SLCO2B1: variants seen among roughly 807,000 people sequenced by gnomAD.
SLCO2B1 encodes the protein solute carrier organic anion transporter family member 2B1.
In SLCO2B1, 41 loss-of-function variants were observed where a neutral mutation model predicts 67.3. That is an observed-to-expected ratio of 0.61 (90% CI 0.47 to 0.79). SLCO2B1 has a LOEUF of 0.79. SLCO2B1 is among the 30% of genes least tolerant of loss of function. The pLI is 0.00. For synonymous variants in SLCO2B1, 379 were observed against 381.4 expected (o/e 0.99, Z 0.07); for missense variants, 837 against 920.1 (o/e 0.91, Z 1.17).
intron 7 of SLCO2B1, among the ~76,000 whole-genome samples, chr11:75,175,864 C>T (rs1950016737): frequency 6.6e-6 from 1 of 152,210 alleles, no homozygotes; most frequent in Non-Finnish European, 1.5e-5. Context: ...ATGGGATTCT[C>T]TGCCTGGGGG....
At chr11:75,178,276 A>C (rs189071736) in intron 7 of SLCO2B1, among the ~76,000 whole-genome samples, 1 of 152,148 alleles carries the variant, frequency 6.6e-6, no homozygotes, top group Non-Finnish European at 1.5e-5. Flanking sequence ...GGGTATAACC[A>C]TAACATCTGC....
At chr11:75,198,185 C>G (rs1231815553) in intron 10 of SLCO2B1, among the ~76,000 whole-genome samples, 2 of 152,218 alleles carry the variant, frequency 1.3e-5, no homozygotes, top group Non-Finnish European at 2.9e-5. Flanking sequence ...CTTCCAGAGA[C>G]CCCCAGGCCT....
At position 75,188,205 on chromosome 11, in the gene SLCO2B1, G is replaced by A; in HGVS notation, c.1042G>A (p.Ala348Thr). ...TKKQDGLVQI[A>T]PNLTVIQFIK... ...GAAGCAGGATGGCCTAGTCCAGATT[G>A]CACCAAACCTGACTGTGATCCAGTT... The change falls in exon 8 of 14, where the codon GCA (alanine) becomes ACA (threonine). Residue 348 changes from alanine (A) to threonine (T), a missense_variant. Coordinates refer to ENST00000289575, the MANE Select transcript of SLCO2B1 (RefSeq NM_007256.5). The A allele has an allele frequency of 1.2e-6, 2 of 1,614,010 alleles. No individual in the cohort carries two copies. The highest frequency in any genetic ancestry group is 1.7e-6 in the Non-Finnish European group (2 of 1,179,896).
chr11:75,162,872 C>A, intron 2 of SLCO2B1, 87 bp downstream of exon 2: 1 of 1,452,592 alleles, frequency 6.9e-7, no homozygotes, highest in Non-Finnish European at 9.3e-7. Context: ...GGAAGACTTT[C>A]TCTGAGCCTC....
intron 1 of SLCO2B1, chr11:75,159,997 C>T (rs961126341): frequency 2.9e-6 from 1 of 345,414 alleles, no homozygotes. Flanking sequence ...CACCAGTATA[C>T]CCAGGAAGCT....
Position 75,165,777 on chromosome 11 carries a change from C to A in SLCO2B1, c.286-10C>A, listed in dbSNP as rs577170105. On this transcript the variant is annotated splice_polypyrimidine_tract_variant and intron_variant, in intron 3 of 13. Transcript: ENST00000289575. ...GTTCCACCTTAATGGGTCACCTCGT[C>A]CTTTTGCAGGTGGGGAACACAGCCT... is the stretch of plus-strand genomic sequence containing the variant. The A allele has an allele frequency of 1.2e-6, 2 of 1,613,898 alleles. No homozygotes were observed. The highest frequency in any genetic ancestry group is 3.3e-5 in the Admixed American group (2 of 60,016).
intron 4 of SLCO2B1, 33 bp downstream of exon 4, chr11:75,165,982 C>G (rs7111320): frequency 6.2e-7 from 1 of 1,600,884 alleles, no homozygotes; most frequent in Non-Finnish European, 8.5e-7. Context: ...AGGAGTGGGA[C>G]GTTAGCCTCT....
At chr11:75,200,033 C>G (rs1945157659) in intron 10 of SLCO2B1, 191 bp from the exon 11 acceptor site, 3 of 549,568 alleles carry the variant, frequency 5.5e-6, no homozygotes, top group Non-Finnish European at 9.6e-6. Flanking sequence ...TGCACATAGA[C>G]AGCCCTTGAG....
chr11:75,162,394 G>C (rs1360379176), intron 1 of SLCO2B1, among the ~76,000 whole-genome samples: 2 of 152,210 alleles, frequency 1.3e-5, no homozygotes, highest in Non-Finnish European at 2.9e-5. Flanking sequence ...TCTGGGAGCA[G>C]AGTGAAGTGT....
chr11:75,179,480 C>T (rs868622181), intron 7 of SLCO2B1, among the ~76,000 whole-genome samples: 2 of 152,022 alleles, frequency 1.3e-5, no homozygotes, highest in East Asian at 3.9e-4. Context: ...GATCCACCCC[C>T]CTCAGCCTCC....
At chr11:75,198,682 G>A (rs1057256306) in intron 10 of SLCO2B1, among the ~76,000 whole-genome samples, 5 of 152,190 alleles carry the variant, frequency 3.3e-5, no homozygotes, top group African/African-American at 1.2e-4. Flanking sequence ...CAGCACTCAG[G>A]GACTGTTGTC....
rs1177876692 is a variant in SLCO2B1 at position 75,202,948 on chromosome 11, T to G, written c.1811T>G (p.Met604Arg). 1 of 1,613,950 alleles carries G rather than the reference T, an allele frequency of 6.2e-7. No homozygotes were observed. Among genetic ancestry groups the G allele is most frequent in the Non-Finnish European group, 8.5e-7 (1 of 1,179,942 alleles). The change falls in exon 12 of 14, where the codon ATG (methionine) becomes AGG (arginine). Residue 604 changes from methionine to arginine, a missense_variant. Transcript: ENST00000289575. Reference sequence around the variant, plus strand: ...ACTTTGGCTGTGGGCATCCAGTTCATGTTCCTGAGGATTTTGGGTAAAGAT... The same window carrying G: ...ACTTTGGCTGTGGGCATCCAGTTCAGGTTCCTGAGGATTTTGGGTAAAGAT... ...DKTLAVGIQF[M>R]FLRILAWMPS...
chr11:75,176,937 G>A (rs536865323), intron 7 of SLCO2B1, among the ~76,000 whole-genome samples: 9 of 152,302 alleles, frequency 5.9e-5, no homozygotes, highest in Non-Finnish European at 1.3e-4. Flanking sequence ...ACAGCACCAC[G>A]GGCCCTTGCA....
chr11:75,159,161 C>G (rs74671071), intron 1 of SLCO2B1, among the ~76,000 whole-genome samples: 2 of 152,192 alleles, frequency 1.3e-5, no homozygotes, highest in Admixed American at 1.3e-4. Context: ...AGTAGCCCGC[C>G]GGCTGGCTGG....
rs78648789 is a variant in SLCO2B1 at position 75,165,929 on chromosome 11, G to T, written c.428G>T (p.Arg143Leu). ...TLPHFISEPY[R>L]YDNTSPEDMP... ...CCGCACTTCATCTCGGAGCCATACC[G>T]CTACGACAACACCAGCCCTGGTAAG... The change falls in exon 4 of 14, where the codon CGC becomes CTC. Residue 143 changes from arginine (R) to leucine (L), a missense_variant. By Grantham distance (102) the Arg-to-Leu change is moderately radical. Coordinates refer to ENST00000289575, the MANE Select transcript of SLCO2B1 (RefSeq NM_007256.5). The T allele has an allele frequency of 7.9e-5, 128 of 1,613,890 alleles. No individual in the cohort carries two copies. Among genetic ancestry groups the T allele is most frequent in the Middle Eastern group, 1.6e-4 (1 of 6,070 alleles).
At chr11:75,169,626 G>T in intron 5 of SLCO2B1, 40 bp from the exon 6 acceptor site, 2 of 1,549,656 alleles carry the variant, frequency 1.3e-6, no homozygotes, top group Non-Finnish European at 1.8e-6. Context: ...GCAGAGGGAA[G>T]CCAGGGCCAG....
At position 75,172,558 on chromosome 11, in the gene SLCO2B1, C is replaced by T. The variant is rs1949975184; in HGVS notation, c.961C>T (p.Pro321Ser). ...RRKVLAVTDS[P>S]ARKGKDSPSK... ...AAAGGTCTTAGCAGTCACAGACTCA[C>T]CTGCCAGGAAGGTAAGCTCCCTCCA... The change falls in exon 7 of 14, where the codon CCT becomes TCT. Residue 321 changes from proline to serine, a missense_variant. Physicochemically the swap from Pro to Ser is moderately conservative, Grantham distance 74. Transcript: ENST00000289575. 1.2e-6 allele frequency: 2 copies of T among 1,613,666 alleles called. No homozygotes were observed. The highest frequency in any genetic ancestry group is 1.7e-6 in the Non-Finnish European group (2 of 1,179,686).
chr11:75,193,578 G>A lies in SLCO2B1; in HGVS notation c.1433+3G>A. ...GCGGGCATCACACACCAGACCAGGT[G>A]AGTGTGTGCGTGGGCACGTAAAGGC... is the stretch of plus-strand genomic sequence containing the variant. On this transcript the variant is annotated splice_donor_region_variant and intron_variant, in intron 9 of 13. Transcript: ENST00000289575. This position sits in a 1 kb window ranked among gnomAD's most constrained non-coding sequence, Gnocchi z 4.2. 6.5e-7 allele frequency: 1 copy of A among 1,537,694 alleles called. No homozygotes were observed. The highest frequency in any genetic ancestry group is 1.2e-5 in the South Asian group (1 of 80,114).
chr11:75,172,534 A>G lies in SLCO2B1; in HGVS notation c.937A>G (p.Lys313Glu). The G allele has an allele frequency of 1.2e-6, 2 of 1,614,182 alleles. No homozygotes were observed. The highest frequency in any genetic ancestry group is 1.7e-6 in the Non-Finnish European group (2 of 1,180,022). The part of the protein sequence containing the change: ...KEKRELQFRR[K>E]VLAVTDSPAR... ...AAAACGTGAGCTTCAGTTTCGGCGA[A>G]AGGTCTTAGCAGTCACAGACTCACC... is the stretch of plus-strand genomic sequence containing the variant. Residue 313 changes from lysine to glutamate, a missense_variant, in exon 7 of 14, where the codon AAG becomes GAG. Transcript: ENST00000289575.
Sources: gnomAD v4.1 joint callset for allele counts (sites outside exome capture counted in the v4.1 genomes callset) on GRCh38, gnomAD v4.1.1 for gene constraint, Gnocchi (gnomAD v3.1) non-coding constraint, MANE v1.5 for transcripts, NCBI Gene and HGNC (gene_info 2026-07-23, HGNC 2026-07-21) for gene names.